The following CSMD1 variants were observed in gnomAD, a reference collection of about 807,000 sequenced individuals.
CSMD1 encodes the protein CUB and sushi domain-containing protein 1.
CSMD1 carries 213 observed loss-of-function variants against 417.5 expected under a neutral mutation model. That is an observed-to-expected ratio of 0.51 (90% CI 0.46 to 0.57). CSMD1 has a LOEUF of 0.57. Among genes scored for constraint, CSMD1 ranks in the 20% least tolerant of loss-of-function variants. The pLI, the probability that CSMD1 is intolerant of heterozygous loss-of-function variation, is 0.00. For synonymous variants in CSMD1, 2,862 were observed against 1,736.8 expected (o/e 1.65, Z -16.11); for missense variants, 6,923 against 4,529.7 (o/e 1.53, Z -15.17).
At chr8:4,933,931 G>A (rs13249466) in intron 1 of CSMD1, among the ~76,000 whole-genome samples, 16 of 151,836 alleles carry the variant, frequency 1.1e-4, no homozygotes, top group African/African-American at 3.9e-4. Flanking sequence ...TTCATAATAG[G>A]CAGAATCACA....
At chr8:3,430,179 T>C (rs536051208) in intron 12 of CSMD1, among the ~76,000 whole-genome samples, 30 of 152,112 alleles carry the variant, frequency 2.0e-4, no homozygotes, top group Non-Finnish European at 3.8e-4. Flanking sequence ...GGAATTCTAA[T>C]ATCTCATCTT....
chr8:4,042,775 T>A (rs1585192422), intron 3 of CSMD1, among the ~76,000 whole-genome samples: 1 of 138,110 alleles, frequency 7.2e-6, no homozygotes, highest in African/African-American at 2.7e-5. Context: ...AGCACATTGC[T>A]GTATCTTCGC....
chr8:3,903,768 T>C (rs904382588), intron 5 of CSMD1, among the ~76,000 whole-genome samples: 17 of 152,138 alleles, frequency 1.1e-4, no homozygotes, highest in Admixed American at 2.6e-4. Flanking sequence ...CACCTCCCAA[T>C]TGAGTCCACA....
At chr8:3,176,789 T>TC (rs1820964036) in intron 37 of CSMD1, among the ~76,000 whole-genome samples, 1 of 151,516 alleles carries the variant, frequency 6.6e-6, no homozygotes, top group South Asian at 2.1e-4. Context: ...TTTCTTTTTT[T>TC]TTTTCTTGAG....
chr8:4,235,365 T>G (rs539529564), intron 3 of CSMD1, among the ~76,000 whole-genome samples: 31 of 152,028 alleles, frequency 2.0e-4, no homozygotes, highest in African/African-American at 6.3e-4. Context: ...GTTTTGTTTT[T>G]TTTTTGTTTG....
At chr8:3,533,834 C>T (rs1445515408) in intron 10 of CSMD1, among the ~76,000 whole-genome samples, 1 of 152,126 alleles carries the variant, frequency 6.6e-6, no homozygotes, top group Non-Finnish European at 1.5e-5. Context: ...TCCCAAGTAG[C>T]TGTACAGTTA....
intron 5 of CSMD1, among the ~76,000 whole-genome samples, chr8:3,915,405 C>CAGAAAAAAAAA (rs1554484704): frequency 1.3e-5 from 1 of 76,292 alleles, no homozygotes. Flanking sequence ...GACTCTGTCT[C>CAGAAAAAAAAA]AAAAAAAAAA....
chr8:4,340,167 A>G (rs898486969), intron 3 of CSMD1, among the ~76,000 whole-genome samples: 1 of 151,982 alleles, frequency 6.6e-6, no homozygotes, highest in Non-Finnish European at 1.5e-5. Context: ...TTTTCTTGAT[A>G]CCTTTTTTTT....
chr8:3,670,382 G>A (rs1290795145), intron 7 of CSMD1, among the ~76,000 whole-genome samples: 3 of 151,570 alleles, frequency 2.0e-5, no homozygotes, highest in Non-Finnish European at 2.9e-5. Context: ...TCAGTTTGCA[G>A]ATGGCCTATT....
At chr8:4,901,043 A>G (rs1314963814) in intron 1 of CSMD1, among the ~76,000 whole-genome samples, 1 of 152,196 alleles carries the variant, frequency 6.6e-6, no homozygotes, top group African/African-American at 2.4e-5. Flanking sequence ...AAATTAAACT[A>G]TTGTCAAAAG....
At chr8:4,278,186 T>C in intron 3 of CSMD1, among the ~76,000 whole-genome samples, 1 of 152,218 alleles carries the variant, frequency 6.6e-6, no homozygotes, top group African/African-American at 2.4e-5. Flanking sequence ...TCACAATTTA[T>C]ATATAATTCC....
chr8:3,083,182 C>G lies in CSMD1; in HGVS notation c.7474+3915G>C, dbSNP rs572848531. On this transcript the variant is annotated intron_variant, in intron 49 of 69. Coordinates refer to ENST00000635120, the MANE Select transcript of CSMD1 (RefSeq NM_033225.6). ...GACGATTCTTCCTTATATATTAACT[C>G]TCTTTAAACAAAAATGCTAGTTTTT... Among the ~76,000 whole-genome samples the G allele has an allele frequency of 2.8e-4, 42 of 152,096 alleles. 1 individual carries two copies. Among genetic ancestry groups the G allele is most frequent in the African/African-American group, 9.9e-4 (41 of 41,506 alleles).
chr8:4,031,085 A>G (rs550574820), intron 4 of CSMD1, among the ~76,000 whole-genome samples: 132 of 152,208 alleles, frequency 8.7e-4, no homozygotes, highest in South Asian at 8.1e-3. Flanking sequence ...GAGAATTCCA[A>G]AACTTCCCAC....
intron 3 of CSMD1, among the ~76,000 whole-genome samples, chr8:4,184,688 A>G (rs1324898841): frequency 2.0e-5 from 3 of 152,142 alleles, no homozygotes; most frequent in East Asian, 1.9e-4. Context: ...AACAACAGAC[A>G]CCAGAGGTTG....
At chr8:3,276,635 G>T (rs934309433) in intron 26 of CSMD1, among the ~76,000 whole-genome samples, 1 of 151,988 alleles carries the variant, frequency 6.6e-6, no homozygotes, top group African/African-American at 2.4e-5. Flanking sequence ...TTTTGGGTGG[G>T]GACACAGCCA....
rs560677939 is a variant in CSMD1 at position 4,164,126 on chromosome 8, T to C, written c.416-132027A>G. On this transcript the variant is annotated intron_variant, in intron 3 of 69. Transcript: ENST00000635120. ...TAAAGAATACTTTTAAATTTTATTA[T>C]ACCTGATAGTGTTCTCTTAAAATGT... 2.6e-4 allele frequency among the ~76,000 whole-genome samples: 40 copies of C among 151,966 alleles called. 1 individual carries two copies. Among genetic ancestry groups the C allele is most frequent in the Non-Finnish European group, 7.4e-5 (5 of 67,996 alleles).
chr8:4,753,403 CCACACACACACACACACA>C lies in CSMD1; in HGVS notation c.86-115863_86-115846del, dbSNP rs71209121. Among the ~76,000 whole-genome samples, 343 of 137,702 alleles carry C rather than the reference CCACACACACACACACACA, an allele frequency of 2.5e-3. 3 individuals carry two copies. The highest frequency in any genetic ancestry group is 0.015 in the Middle Eastern group (4 of 268). 90.3% of individuals were successfully genotyped at this position (137,702 alleles called of 152,430 possible). ...TCTCTTCCCTACTTTCCACCATAAA[CCACACACACACACACACA>C]CACACACACACACACACACACACAC... On this transcript the variant is annotated intron_variant, in intron 1 of 69. Coordinates refer to ENST00000635120, the MANE Select transcript of CSMD1 (RefSeq NM_033225.6).
intron 26 of CSMD1, among the ~76,000 whole-genome samples, chr8:3,259,181 C>G (rs1225697387): frequency 2.0e-5 from 3 of 152,220 alleles, no homozygotes; most frequent in African/African-American, 7.2e-5. Context: ...AGTATGGACT[C>G]ATATTCCAGG....
intron 2 of CSMD1, among the ~76,000 whole-genome samples, chr8:4,542,656 A>G (rs1027894994): frequency 6.6e-6 from 1 of 152,242 alleles, no homozygotes; most frequent in Non-Finnish European, 1.5e-5. Context: ...TTAACAGACT[A>G]TATCACCACT....
Sources: allele counts gnomAD v4.1 joint callset (sites outside exome capture counted in the v4.1 genomes callset), GRCh38; gene constraint gnomAD v4.1.1; transcripts MANE v1.5; gene names NCBI Gene and HGNC (gene_info 2026-07-23, HGNC 2026-07-21).